Variants in BCAS3 observed in about 807,000 individuals in gnomAD.
BCAS3 encodes the protein BCAS4/BCAS3 fusion.
BCAS3 carries 53 observed loss-of-function variants against 116.1 expected under a neutral mutation model. The observed-to-expected ratio is 0.46, with a 90% CI of 0.37 to 0.57. The LOEUF (loss-of-function observed/expected upper bound fraction) is 0.57. Ranked by LOEUF, BCAS3 falls within the 20% of genes least tolerant of loss-of-function variation. The pLI is 0.00. For synonymous variants in BCAS3, 391 were observed against 408.2 expected (o/e 0.96, Z 0.51); for missense variants, 917 against 1,165.4 (o/e 0.79, Z 3.10).
chr17:61,223,881 G>T (rs2144397794), intron 22 of BCAS3, among the ~76,000 whole-genome samples: 1 of 152,308 alleles, frequency 6.6e-6, no homozygotes, highest in Non-Finnish European at 1.5e-5. Context: ...ATACCCTGTG[G>T]TGTGTAGAGT....
intron 22 of BCAS3, among the ~76,000 whole-genome samples, chr17:61,236,514 G>A (rs575608199): frequency 2.0e-5 from 3 of 152,170 alleles, no homozygotes; most frequent in South Asian, 2.1e-4. Flanking sequence ...TAGAGACGGG[G>A]TTTCACTGTG....
chr17:61,046,107 A>G (rs1390961745), intron 19 of BCAS3, among the ~76,000 whole-genome samples: 1 of 64,028 alleles, frequency 1.6e-5, no homozygotes, highest in Non-Finnish European at 2.8e-5. Context: ...ATATATATAT[A>G]TATAAAGTAA....
At chr17:61,107,424 C>T (rs955748737) in intron 22 of BCAS3, among the ~76,000 whole-genome samples, 1 of 152,106 alleles carries the variant, frequency 6.6e-6, no homozygotes, top group Admixed American at 6.5e-5. Flanking sequence ...ATTCATGTAA[C>T]CACCACCATC....
At chr17:60,882,216 T>C (rs1174613178) in intron 9 of BCAS3, among the ~76,000 whole-genome samples, 1 of 152,176 alleles carries the variant, frequency 6.6e-6, no homozygotes, top group Non-Finnish European at 1.5e-5. Flanking sequence ...TTTCCATGTG[T>C]TTTTTGGCTG....
chr17:61,317,974 A>AG (rs34636378), intron 22 of BCAS3, among the ~76,000 whole-genome samples: 123,678 of 152,184 alleles, frequency 0.81, 50,406 homozygotes, highest in African/African-American at 0.85. Flanking sequence ...GCCATACGCA[A>AG]GCTGTTCTGG....
chr17:60,727,429 A>T, intron 5 of BCAS3: 1 of 1,597,786 alleles, frequency 6.3e-7, no homozygotes, highest in South Asian at 1.1e-5. Flanking sequence ...TGTGAGGCTG[A>T]TGCTTGCCAC....
At chr17:61,306,356 G>A (rs980120871) in intron 22 of BCAS3, among the ~76,000 whole-genome samples, 3 of 152,194 alleles carry the variant, frequency 2.0e-5, no homozygotes, top group Admixed American at 2.0e-4. Context: ...TTATTACCTA[G>A]ACTGCAGGCT....
In BCAS3 at chr17:61,156,403, TAG is replaced by T. The variant is rs1445748512; in HGVS notation, c.2425+71842_2425+71843del. ...TATCTTGTTTCTTTTGGGGGAAACT[TAG>T]AGTAATATTTGGTCTGCCAAAATGA... On this transcript the variant is annotated intron_variant, in intron 22 of 23. Transcript: ENST00000407086. This position sits in a 1 kb window ranked among gnomAD's most constrained non-coding sequence, Gnocchi z 4.7. Among the ~76,000 whole-genome samples the T allele has an allele frequency of 6.6e-6, 1 of 152,122 alleles. No homozygotes were observed. Among genetic ancestry groups the T allele is most frequent in the Non-Finnish European group, 1.5e-5 (1 of 68,020 alleles).
At chr17:61,182,367 A>G (rs2079531132) in intron 22 of BCAS3, among the ~76,000 whole-genome samples, 2 of 152,098 alleles carry the variant, frequency 1.3e-5, no homozygotes, top group Non-Finnish European at 2.9e-5. Flanking sequence ...AAAATTTTAA[A>G]CATAGGCAGA....
intron 6 of BCAS3, among the ~76,000 whole-genome samples, chr17:60,796,270 TTCTC>T (rs1360353785): frequency 2.0e-5 from 3 of 152,234 alleles, no homozygotes; most frequent in Non-Finnish European, 4.4e-5. Flanking sequence ...GGTTCCTCCT[TTCTC>T]TATCTTGTGG....
In BCAS3 at chr17:61,279,258, C is replaced by CT. The variant is rs546263520; in HGVS notation, c.2426-89066dup. Reference sequence around the variant, plus strand: ...CACCATACCTAGCCTGAATTATATACTTTAAGTGGGTGAATTGTATGTTAG... The same window carrying CT: ...CACCATACCTAGCCTGAATTATATACTTTTAAGTGGGTGAATTGTATGTTAG... On this transcript the variant is annotated intron_variant, in intron 22 of 23. Coordinates refer to ENST00000407086, the MANE Select transcript of BCAS3 (RefSeq NM_017679.5). This position sits in a 1 kb window ranked among gnomAD's most constrained non-coding sequence, Gnocchi z 4.4. 2.5e-3 allele frequency among the ~76,000 whole-genome samples: 384 copies of CT among 152,134 alleles called. No homozygotes were observed. Among genetic ancestry groups the CT allele is most frequent in the African/African-American group, 8.1e-3 (338 of 41,546 alleles).
intron 22 of BCAS3, among the ~76,000 whole-genome samples, chr17:61,338,888 G>GAAAA (rs57701817): frequency 3.0e-5 from 2 of 67,318 alleles, no homozygotes; most frequent in Non-Finnish European, 3.2e-5. Flanking sequence ...CCCTTACTGG[G>GAAAA]AAAAAAAAAA....
intron 23 of BCAS3, among the ~76,000 whole-genome samples, chr17:61,375,195 A>C (rs1322919556): frequency 6.6e-6 from 1 of 150,618 alleles, no homozygotes; most frequent in African/African-American, 2.4e-5. Flanking sequence ...TATGTTTTGC[A>C]AAAGATGACC....
intron 7 of BCAS3, among the ~76,000 whole-genome samples, chr17:60,858,386 G>T (rs990847078): frequency 8.4e-5 from 12 of 142,964 alleles, no homozygotes; most frequent in African/African-American, 2.0e-4. Context: ...TGTGGCTGTT[G>T]TTTTTTTTTT....
chr17:61,227,546 G>A lies in BCAS3; in HGVS notation c.2426-140781G>A, dbSNP rs531486317. 2.4e-4 allele frequency among the ~76,000 whole-genome samples: 37 copies of A among 152,336 alleles called. No homozygotes were observed. The highest frequency in any genetic ancestry group is 4.3e-4 in the Non-Finnish European group (29 of 68,032). Reference sequence around the variant, plus strand: ...CCCATGAATGAAGTGAAATGACCAGGTAGACAGTAGAACCAGGCCTGTGTG... The same window carrying A: ...CCCATGAATGAAGTGAAATGACCAGATAGACAGTAGAACCAGGCCTGTGTG... On this transcript the variant is annotated intron_variant, in intron 22 of 23. Transcript: ENST00000407086. The surrounding 1 kb of genome is among the most constrained non-coding windows in gnomAD (Gnocchi z 6.1).
chr17:61,284,936 TTGAA>T (rs1568751719), intron 22 of BCAS3, among the ~76,000 whole-genome samples: 1 of 152,132 alleles, frequency 6.6e-6, no homozygotes, highest in Non-Finnish European at 1.5e-5. Context: ...GTGCCTGTTG[TTGAA>T]TGAATGTATA....
At chr17:61,262,970 G>T (rs976277209) in intron 22 of BCAS3, among the ~76,000 whole-genome samples, 1 of 152,206 alleles carries the variant, frequency 6.6e-6, no homozygotes, top group African/African-American at 2.4e-5. Context: ...GGGATTACAG[G>T]CATGAGCCAC....
intron 4 of BCAS3, among the ~76,000 whole-genome samples, chr17:60,699,155 G>T (rs1409241455): frequency 6.6e-6 from 1 of 152,136 alleles, no homozygotes; most frequent in Admixed American, 6.6e-5. Flanking sequence ...TGTCAGATTT[G>T]ATGATGTACA....
intron 22 of BCAS3, among the ~76,000 whole-genome samples, chr17:61,254,777 G>GAAACAAAAAAAAAA (rs2048650704): frequency 1.4e-5 from 1 of 73,528 alleles, no homozygotes; most frequent in Non-Finnish European, 2.2e-5. Context: ...CTCCGTCTCA[G>GAAACAAAAAAAAAA]AAAAAAAAAA....
Sources: allele counts gnomAD v4.1 joint callset (sites outside exome capture counted in the v4.1 genomes callset), GRCh38; gene constraint gnomAD v4.1.1; non-coding constraint Gnocchi (gnomAD v3.1); transcripts MANE v1.5; gene names NCBI Gene and HGNC (gene_info 2026-07-23, HGNC 2026-07-21).